The following WDR59 variants were observed in gnomAD, a reference collection of about 807,000 sequenced individuals.
WDR59 encodes the protein GATOR2 complex protein WDR59.
In WDR59, 100 loss-of-function variants were observed where a neutral mutation model predicts 131.2. The ratio of observed to expected loss-of-function variants is 0.76; its 90% CI spans 0.65 to 0.90. WDR59 has a LOEUF of 0.90. WDR59 is among the 40% of genes least tolerant of loss of function. The probability of loss-of-function intolerance (pLI) is 0.00; values close to 1 mark genes in which losing one functional copy is unlikely to be tolerated. For missense variants in WDR59, 1,203 were observed against 1,262.2 expected, an observed-to-expected ratio of 0.95 and a Z score of 0.71; for synonymous variants, 601 against 466.2, an observed-to-expected ratio of 1.29 and a Z score of -3.72.
At chr16:74,977,013 A>T (rs2034212627) in intron 1 of WDR59, among the ~76,000 whole-genome samples, 1 of 152,156 alleles carries the variant, frequency 6.6e-6, no homozygotes, top group Non-Finnish European at 1.5e-5. Context: ...AAACAAAAAC[A>T]ACAAGACTGA....
chr16:74,881,330 G>T (rs1363463404), intron 25 of WDR59, among the ~76,000 whole-genome samples: 1 of 152,024 alleles, frequency 6.6e-6, no homozygotes, highest in African/African-American at 2.4e-5. Flanking sequence ...AAGACCTGTG[G>T]CCTTGACAGC....
Position 74,916,006 on chromosome 16 carries a change from G to A in WDR59, c.1100-12C>T, listed in dbSNP as rs767881859. ...ATCTTCTTTTAGGGCTAGCAGGAGA[G>A]AGAAGTTCAATGTTGGAAAGCATTT... On this transcript the variant is annotated splice_polypyrimidine_tract_variant and intron_variant, in intron 12 of 25. Transcript: ENST00000262144. The A allele has an allele frequency of 2.5e-6, 4 of 1,614,058 alleles. No homozygotes were observed. The highest frequency in any genetic ancestry group is 3.4e-6 in the Non-Finnish European group (4 of 1,180,030).
At chr16:74,929,297 G>A (rs982977297) in intron 8 of WDR59, among the ~76,000 whole-genome samples, 3 of 151,996 alleles carry the variant, frequency 2.0e-5, no homozygotes, top group Non-Finnish European at 4.4e-5. Context: ...GGATGGTCTC[G>A]ATCTCCTGAC....
chr16:74,978,573 T>C (rs183484528), intron 1 of WDR59, among the ~76,000 whole-genome samples: 1 of 152,206 alleles, frequency 6.6e-6, no homozygotes, highest in Non-Finnish European at 1.5e-5. Context: ...CCATTTGTTA[T>C]AGAAATCCCA....
At chr16:74,950,209 G>T (rs977845483) in intron 4 of WDR59, among the ~76,000 whole-genome samples, 13 of 152,074 alleles carry the variant, frequency 8.5e-5, no homozygotes, top group African/African-American at 3.1e-4. Flanking sequence ...AGGCGTGGTG[G>T]CACACACCTG....
At chr16:74,921,861 C>T in intron 10 of WDR59, 86 bp downstream of exon 10, 1 of 1,490,580 alleles carries the variant, frequency 6.7e-7, no homozygotes, top group Non-Finnish European at 9.0e-7. Context: ...TCTATGTCTT[C>T]TTTACTGGAC....
chr16:74,952,303 A>T (rs2033046629), intron 3 of WDR59, among the ~76,000 whole-genome samples: 3 of 151,954 alleles, frequency 2.0e-5, no homozygotes, highest in African/African-American at 7.3e-5. Flanking sequence ...TTAGCCAGTC[A>T]TGGTGGTGCA....
intron 11 of WDR59, 92 bp from the exon 12 acceptor site, chr16:74,916,351 G>C (rs1966385361): frequency 6.6e-7 from 1 of 1,515,370 alleles, no homozygotes; most frequent in Non-Finnish European, 9.1e-7. Context: ...AAATGGGAAG[G>C]GCAAAGGATG....
chr16:74,918,134 A>T, intron 10 of WDR59, 126 bp from the exon 11 acceptor site: 1 of 856,650 alleles, frequency 1.2e-6, no homozygotes, highest in South Asian at 1.5e-5. Context: ...CTCATATGCC[A>T]GGCACTATTC....
At chr16:74,968,359 T>C (rs1350788019) in intron 1 of WDR59, among the ~76,000 whole-genome samples, 1 of 152,308 alleles carries the variant, frequency 6.6e-6, no homozygotes, top group African/African-American at 2.4e-5. Flanking sequence ...AGACAGCATG[T>C]AGGAGCTGAG....
rs187160500 is a variant in WDR59, at chr16:74,919,953, G to T, written c.887-1945C>A. Among the ~76,000 whole-genome samples the T allele has an allele frequency of 2.3e-3, 346 of 152,148 alleles. 1 individual carries two copies. The highest frequency in any genetic ancestry group is 7.9e-3 in the African/African-American group (330 of 41,522). ...TGGCATGGTGGCACACTCCTGTAGT[G>T]CCAGCTACTCAGGTGGCTGAGGTGG... On this transcript the variant is annotated intron_variant, in intron 10 of 25. Coordinates refer to ENST00000262144, the MANE Select transcript of WDR59 (RefSeq NM_030581.4).
At chr16:74,881,007 T>C (rs1597625950) in intron 25 of WDR59, among the ~76,000 whole-genome samples, 2 of 152,352 alleles carry the variant, frequency 1.3e-5, no homozygotes, top group East Asian at 1.9e-4. Context: ...TCTACCTCTA[T>C]GGAGGGAATT....
chr16:74,891,902 C>T (rs754111375), intron 20 of WDR59, among the ~76,000 whole-genome samples: 3 of 152,082 alleles, frequency 2.0e-5, no homozygotes, highest in South Asian at 2.1e-4. Context: ...CTAGCCTGGG[C>T]GACAGAGTGA....
At chr16:74,876,372 T>C (rs1964212603) in intron 25 of WDR59, among the ~76,000 whole-genome samples, 1 of 152,220 alleles carries the variant, frequency 6.6e-6, no homozygotes, top group African/African-American at 2.4e-5. Context: ...TCTCAAATTT[T>C]CATTACTGGT....
chr16:74,907,886 G>T (rs559376960), intron 17 of WDR59, among the ~76,000 whole-genome samples: 1 of 152,202 alleles, frequency 6.6e-6, no homozygotes, highest in East Asian at 1.9e-4. Flanking sequence ...TACTGTTGAA[G>T]GAACTGAAGC....
At chr16:74,931,694 G>T (rs1230792023) in intron 8 of WDR59, among the ~76,000 whole-genome samples, 1 of 151,950 alleles carries the variant, frequency 6.6e-6, no homozygotes, top group Non-Finnish European at 1.5e-5. Context: ...GTGAACATGG[G>T]GAGACCCATC....
At chr16:74,889,961 G>A in intron 20 of WDR59, 146 bp from the exon 21 acceptor site, 1 of 588,426 alleles carries the variant, frequency 1.7e-6, no homozygotes. Context: ...AAATGCATAA[G>A]TTTAGGCCCC....
chr16:74,948,345 T>G (rs576965680), intron 6 of WDR59, among the ~76,000 whole-genome samples, 174 bp downstream of exon 6: 1 of 152,252 alleles, frequency 6.6e-6, no homozygotes, highest in African/African-American at 2.4e-5. Flanking sequence ...CAGCCTAAAG[T>G]GAGCCCCTTG....
chr16:74,958,907 A>T (rs1478354481), intron 2 of WDR59, among the ~76,000 whole-genome samples: 1 of 152,050 alleles, frequency 6.6e-6, no homozygotes, highest in Non-Finnish European at 1.5e-5. Flanking sequence ...AATAAAAAAA[A>T]AATTAGCCAG....
Sources: allele counts gnomAD v4.1 joint callset (sites outside exome capture counted in the v4.1 genomes callset), GRCh38; gene constraint gnomAD v4.1.1; transcripts MANE v1.5; gene names NCBI Gene and HGNC (gene_info 2026-07-23, HGNC 2026-07-21).